IQGAP2: variants seen among roughly 807,000 people sequenced by gnomAD.
IQGAP2 encodes ras GTPase-activating-like protein IQGAP2.
Under a neutral mutation model 201.3 loss-of-function variants are expected in IQGAP2, and 173 were observed. The observed-to-expected ratio is 0.86, with a 90% CI of 0.76 to 0.98. The LOEUF (loss-of-function observed/expected upper bound fraction) is 0.98. Ranked by LOEUF, IQGAP2 falls within the 50% of genes least tolerant of loss-of-function variation. IQGAP2 has a pLI of 0.00. For synonymous variants in IQGAP2, 675 were observed against 673.9 expected (o/e 1.00, Z -0.03); for missense variants, 1,687 against 1,864.8 (o/e 0.90, Z 1.76).
intron 1 of IQGAP2, among the ~76,000 whole-genome samples, chr5:76,422,047 A>G (rs1452059782): frequency 2.0e-5 from 3 of 152,220 alleles, no homozygotes; most frequent in African/African-American, 7.2e-5. Context: ...AATATTTCCC[A>G]TTGATTTTAA....
chr5:76,623,368 A>T, intron 13 of IQGAP2: 1 of 989,076 alleles, frequency 1.0e-6, no homozygotes, highest in Non-Finnish European at 1.5e-6. Context: ...TGTGCCGTGC[A>T]GGCAGGAAAC....
At chr5:76,581,453 A>C (rs1270542236) in intron 5 of IQGAP2, among the ~76,000 whole-genome samples, 4 of 152,202 alleles carry the variant, frequency 2.6e-5, no homozygotes, top group African/African-American at 9.6e-5. Flanking sequence ...TGAGGGAGGC[A>C]GTTGCACCTG....
chr5:76,488,061 T>C (rs4703710), intron 2 of IQGAP2, among the ~76,000 whole-genome samples: 65,898 of 151,984 alleles, frequency 0.43, 14,490 homozygotes, highest in East Asian at 0.62. Flanking sequence ...ACTGAGCCTC[T>C]CATCTGTGGT....
intron 21 of IQGAP2, among the ~76,000 whole-genome samples, chr5:76,662,256 G>A (rs745744317): frequency 5.3e-5 from 8 of 152,174 alleles, no homozygotes; most frequent in Non-Finnish European, 7.4e-5. Context: ...CACAGCCACC[G>A]GCCCGTCCTC....
intron 13 of IQGAP2, chr5:76,618,051 G>T: frequency 6.2e-7 from 1 of 1,614,142 alleles, no homozygotes; most frequent in South Asian, 1.1e-5. Flanking sequence ...GAAAACTGTT[G>T]CCCACACCAG....
At chr5:76,602,396 G>A (rs1020238156) in intron 11 of IQGAP2, among the ~76,000 whole-genome samples, 6 of 152,026 alleles carry the variant, frequency 3.9e-5, no homozygotes, top group Non-Finnish European at 8.8e-5. Context: ...TCCTCCACAT[G>A]ACATTAGCCC....
intron 5 of IQGAP2, among the ~76,000 whole-genome samples, chr5:76,585,164 A>T (rs1423165298): frequency 2.6e-5 from 4 of 152,232 alleles, no homozygotes; most frequent in Admixed American, 2.0e-4. Flanking sequence ...GAAGCATCTA[A>T]GGATAATAGA....
chr5:76,684,279 CG>C (rs1162505911), intron 30 of IQGAP2, among the ~76,000 whole-genome samples: 3 of 152,046 alleles, frequency 2.0e-5, no homozygotes, highest in Non-Finnish European at 4.4e-5. Flanking sequence ...CGTTTATTTC[CG>C]GTATAAAATC....
intron 11 of IQGAP2, among the ~76,000 whole-genome samples, chr5:76,605,033 T>C (rs974767497): frequency 6.6e-6 from 1 of 152,164 alleles, no homozygotes; most frequent in Non-Finnish European, 1.5e-5. Flanking sequence ...GAGTGACTCA[T>C]TATGTACACA....
intron 2 of IQGAP2, among the ~76,000 whole-genome samples, chr5:76,494,501 C>T (rs1051582464): frequency 2.6e-5 from 4 of 152,098 alleles, no homozygotes; most frequent in Non-Finnish European, 4.4e-5. Context: ...ATTTCAGATA[C>T]CCCCACAATT....
chr5:76,411,759 A>G (rs1201594883), intron 1 of IQGAP2, among the ~76,000 whole-genome samples: 1 of 152,222 alleles, frequency 6.6e-6, no homozygotes, highest in African/African-American at 2.4e-5. Context: ...AGTCTCAGGT[A>G]TTCTGTTATA....
intron 2 of IQGAP2, among the ~76,000 whole-genome samples, chr5:76,502,672 T>C (rs1757344713): frequency 6.6e-6 from 1 of 152,228 alleles, no homozygotes; most frequent in African/African-American, 2.4e-5. Flanking sequence ...ATAAAATAGT[T>C]TTATGAGGCC....
chr5:76,641,211 C>T, intron 17 of IQGAP2, 108 bp downstream of exon 17: 1 of 843,660 alleles, frequency 1.2e-6, no homozygotes, highest in Non-Finnish European at 1.8e-6. Context: ...ACAAATCTGA[C>T]TGCATATTTT....
chr5:76,515,202 A>T (rs1758238222), intron 2 of IQGAP2, among the ~76,000 whole-genome samples: 1 of 152,248 alleles, frequency 6.6e-6, no homozygotes, highest in Non-Finnish European at 1.5e-5. Context: ...GCTTCTTCAC[A>T]TGCTTACCAT....
chr5:76,518,613 G>A (rs75506154), intron 2 of IQGAP2, among the ~76,000 whole-genome samples: 509 of 152,296 alleles, frequency 3.3e-3, no homozygotes, highest in African/African-American at 0.011. Context: ...CAACTTTGAT[G>A]TATGTAAGTA....
intron 14 of IQGAP2, among the ~76,000 whole-genome samples, chr5:76,627,752 T>C (rs1750374836): frequency 6.6e-6 from 1 of 152,240 alleles, no homozygotes; most frequent in Non-Finnish European, 1.5e-5. Flanking sequence ...AATTGTATAA[T>C]TGAATAAAAT....
chr5:76,470,560 G>C (rs909457831), intron 2 of IQGAP2, among the ~76,000 whole-genome samples: 1 of 152,104 alleles, frequency 6.6e-6, no homozygotes, highest in Non-Finnish European at 1.5e-5. Context: ...CTGCTGCCTT[G>C]ATTGTTTTTT....
chr5:76,471,378 A>C (rs921714931), intron 2 of IQGAP2, among the ~76,000 whole-genome samples: 1 of 142,732 alleles, frequency 7.0e-6, no homozygotes, highest in Non-Finnish European at 1.6e-5. Flanking sequence ...AAAAAAAAAA[A>C]AAAAAAAACA....
intron 34 of IQGAP2, 39 bp downstream of exon 34, chr5:76,701,252 ATTT>A: frequency 1.2e-6 from 2 of 1,600,370 alleles, no homozygotes; most frequent in Non-Finnish European, 1.7e-6. Flanking sequence ...CACGCATGCC[ATTT>A]GATTTCTTGT....
Sources: allele counts gnomAD v4.1 joint callset (sites outside exome capture counted in the v4.1 genomes callset), GRCh38; gene constraint gnomAD v4.1.1; transcripts MANE v1.5; gene names NCBI Gene and HGNC (gene_info 2026-07-23, HGNC 2026-07-21).